The following TC2N variants were observed in gnomAD, a reference collection of about 807,000 sequenced individuals.
TC2N encodes the protein tandem C2 domains nuclear protein.
TC2N carries 51 observed loss-of-function variants against 61.9 expected under a neutral mutation model. The observed-to-expected ratio is 0.82, with a 90% CI of 0.66 to 1.04. The LOEUF (loss-of-function observed/expected upper bound fraction) is 1.04. Among genes scored for constraint, TC2N ranks in the 50% least tolerant of loss-of-function variants. The pLI is 0.00. For missense variants in TC2N, 556 were observed against 566.7 expected, an observed-to-expected ratio of 0.98 and a Z score of 0.19; for synonymous variants, 204 against 192.6, an observed-to-expected ratio of 1.06 and a Z score of -0.49.
At chr14:91,815,910 C>A (rs976870922) in intron 1 of TC2N, among the ~76,000 whole-genome samples, 1 of 151,644 alleles carries the variant, frequency 6.6e-6, no homozygotes, top group Non-Finnish European at 1.5e-5. Flanking sequence ...TAAAATGTTG[C>A]TCTTTTTAAA....
At chr14:91,789,623 C>CA (rs1005842920) in intron 9 of TC2N, among the ~76,000 whole-genome samples, 5,896 of 131,978 alleles carry the variant, frequency 0.045, 345 homozygotes, top group African/African-American at 0.14. Flanking sequence ...AAACAAAAAA[C>CA]AAAAAAAAAA....
chr14:91,852,583 T>C (rs1023100290), intron 1 of TC2N, among the ~76,000 whole-genome samples: 1 of 152,240 alleles, frequency 6.6e-6, no homozygotes, highest in African/African-American at 2.4e-5. Flanking sequence ...ACTAACTGGT[T>C]GTTTAAAGCA....
At chr14:91,791,009 T>C (rs1187003716) in intron 9 of TC2N, among the ~76,000 whole-genome samples, 2 of 151,874 alleles carry the variant, frequency 1.3e-5, no homozygotes, top group Non-Finnish European at 2.9e-5. Context: ...GTGGTGTGCC[T>C]GTAGTCCTAG....
chr14:91,798,545 C>T (rs1595230776), intron 6 of TC2N, 146 bp from the exon 7 acceptor site: 2 of 600,018 alleles, frequency 3.3e-6, no homozygotes, highest in East Asian at 6.3e-5. Context: ...ACAAAAATCA[C>T]ACTTTAATAT....
At chr14:91,844,762 A>G (rs1347586675) in intron 1 of TC2N, among the ~76,000 whole-genome samples, 1 of 40,002 alleles carries the variant, frequency 2.5e-5, no homozygotes, top group Non-Finnish European at 6.8e-5. Context: ...CTCTGTCTCA[A>G]AAAAAAAAAA....
At chr14:91,832,614 A>AT (rs1887831752) in intron 1 of TC2N, among the ~76,000 whole-genome samples, 1 of 152,192 alleles carries the variant, frequency 6.6e-6, no homozygotes, top group African/African-American at 2.4e-5. Context: ...TTGCTGAAAA[A>AT]GGGAACAAAA....
At chr14:91,784,100 G>A (rs548943495) in intron 11 of TC2N, among the ~76,000 whole-genome samples, 150 of 152,130 alleles carry the variant, frequency 9.9e-4, no homozygotes, top group African/African-American at 3.5e-3. Flanking sequence ...TAAGCCATAC[G>A]GAGCAGATGA....
intron 3 of TC2N, among the ~76,000 whole-genome samples, chr14:91,803,191 C>T (rs1039115846): frequency 6.6e-6 from 1 of 151,840 alleles, no homozygotes; most frequent in Non-Finnish European, 1.5e-5. Flanking sequence ...AAAAATAAGC[C>T]TGCATTCAAC....
rs556218258 is a variant in TC2N at position 91,826,349 on chromosome 14, T to C, written c.-56-12524A>G. On this transcript the variant is annotated intron_variant, in intron 1 of 11. Coordinates refer to ENST00000435962, the MANE Select transcript of TC2N (RefSeq NM_001128596.3). ...AAAAAAAAAAAGCAGGAAAAAAATA[T>C]GTATCTCTATTGATTTTTTTTTCTG... 2.0e-4 allele frequency among the ~76,000 whole-genome samples: 30 copies of C among 148,690 alleles called. No individual in the cohort carries two copies. In the East Asian group the frequency reaches 4.7e-3, roughly 23 times the overall value.
At chr14:91,848,953 A>C (rs541713284) in intron 1 of TC2N, among the ~76,000 whole-genome samples, 1 of 152,238 alleles carries the variant, frequency 6.6e-6, no homozygotes, top group Admixed American at 6.5e-5. Context: ...ATGTCACTAA[A>C]AGTAATGAGG....
intron 1 of TC2N, among the ~76,000 whole-genome samples, chr14:91,824,193 C>T (rs188939405): frequency 1.1e-3 from 168 of 152,252 alleles, no homozygotes; most frequent in Admixed American, 1.7e-3. Flanking sequence ...GCTATAAACA[C>T]CCTAGTCACT....
chr14:91,859,298 A>G (rs575858285), intron 1 of TC2N, among the ~76,000 whole-genome samples: 1 of 152,194 alleles, frequency 6.6e-6, no homozygotes, highest in South Asian at 2.1e-4. Context: ...AACAAAACAT[A>G]AAAATTAAAA....
At chr14:91,821,786 A>C (rs931873698) in intron 1 of TC2N, among the ~76,000 whole-genome samples, 8 of 152,110 alleles carry the variant, frequency 5.3e-5, no homozygotes, top group African/African-American at 1.9e-4. Flanking sequence ...CATATATAAA[A>C]AACTATTACA....
chr14:91,857,031 A>G (rs562491449), intron 1 of TC2N, among the ~76,000 whole-genome samples: 15 of 152,326 alleles, frequency 9.8e-5, no homozygotes, highest in African/African-American at 3.6e-4. Flanking sequence ...CAAGAGGTAG[A>G]TCAAGCAAGA....
chr14:91,844,289 C>T (rs1292938922), intron 1 of TC2N, among the ~76,000 whole-genome samples: 2 of 152,162 alleles, frequency 1.3e-5, no homozygotes, highest in Admixed American at 6.5e-5. Context: ...CACTCCTGTT[C>T]ATCTCATATT....
Position 91,792,409 on chromosome 14 carries a change from T to C in TC2N, c.1005A>G (p.Glu335=). The change falls in exon 9 of 12, where the codon GAA becomes GAG. Residue 335 remains glutamate, a synonymous_variant. Transcript: ENST00000435962. The stretch of plus-strand genomic sequence containing the variant: ...GTGTTATATCCAAAGAGTAATCCAT[T>C]TCCTGTGTGCTAAGGGTTCTGAGTG... The part of the protein sequence containing the change: ...SMSLRTLSTQ[E]MDYSLDITPP... The C allele has an allele frequency of 1.2e-6, 2 of 1,606,880 alleles. No homozygotes were observed. The highest frequency in any genetic ancestry group is 1.7e-6 in the Non-Finnish European group (2 of 1,175,932).
At chr14:91,805,607 G>T (rs1163697031) in intron 3 of TC2N, among the ~76,000 whole-genome samples, 1 of 152,110 alleles carries the variant, frequency 6.6e-6, no homozygotes, top group Admixed American at 6.5e-5. Context: ...AGAGGTTGCA[G>T]TGAGCCAGGA....
At position 91,848,599 on chromosome 14, in the gene TC2N, T is replaced by G. The variant is rs575383714; in HGVS notation, c.-57+18663A>C. Among the ~76,000 whole-genome samples, 12 of 152,304 alleles carry G rather than the reference T, an allele frequency of 7.9e-5. No homozygotes were observed. In the South Asian group the frequency reaches 2.5e-3, roughly 32 times the overall value. ...CTCTGAAGAAAAACCTCCTGACATA[T>G]GTAAGGGTTGGTGTCATTATTTTTC... is the stretch of plus-strand genomic sequence containing the variant. On this transcript the variant is annotated intron_variant, in intron 1 of 11. Coordinates refer to ENST00000435962, the MANE Select transcript of TC2N (RefSeq NM_001128596.3).
intron 1 of TC2N, among the ~76,000 whole-genome samples, chr14:91,819,935 G>T (rs758105442): frequency 5.9e-5 from 9 of 151,562 alleles, no homozygotes; most frequent in Non-Finnish European, 1.3e-4. Context: ...GAGATAAAAT[G>T]GAATAATTTT....
Sources: allele counts gnomAD v4.1 joint callset (sites outside exome capture counted in the v4.1 genomes callset), GRCh38; gene constraint gnomAD v4.1.1; transcripts MANE v1.5; gene names NCBI Gene and HGNC (gene_info 2026-07-23, HGNC 2026-07-21).